The following DOCK9 variants were observed in gnomAD, a reference collection of about 807,000 sequenced individuals.
The protein encoded by DOCK9 is dedicator of cytokinesis 9, also known as dedicator of cytokinesis protein 9.
In DOCK9, 89 loss-of-function variants were observed where a neutral mutation model predicts 263.3. The ratio of observed to expected loss-of-function variants is 0.34; its 90% CI spans 0.28 to 0.40. DOCK9 has a LOEUF of 0.40. DOCK9 is among the 10% of genes least tolerant of loss of function. DOCK9 has a pLI of 1.00. For missense variants in DOCK9, 2,140 were observed against 2,603.4 expected (o/e 0.82, Z 3.87); for synonymous variants, 976 against 973.1 (o/e 1.00, Z -0.06).
intron 1 of DOCK9, among the ~76,000 whole-genome samples, chr13:99,002,851 A>T (rs565496743): frequency 6.6e-6 from 1 of 152,292 alleles, no homozygotes; most frequent in South Asian, 2.1e-4. Flanking sequence ...TTGCTGTGTG[A>T]TTTTAAACAG....
intron 1 of DOCK9, among the ~76,000 whole-genome samples, chr13:98,991,138 T>C (rs1657797351): frequency 6.6e-6 from 1 of 151,994 alleles, no homozygotes; most frequent in Admixed American, 6.5e-5. Context: ...GTGGCATGAT[T>C]TTGGCTCACC....
intron 2 of DOCK9, among the ~76,000 whole-genome samples, chr13:98,943,232 G>A (rs1180401973): frequency 6.6e-6 from 1 of 152,206 alleles, no homozygotes; most frequent in Non-Finnish European, 1.5e-5. Context: ...GATGGGGAAG[G>A]CACTGTGACT....
intron 32 of DOCK9, among the ~76,000 whole-genome samples, 176 bp downstream of exon 32, chr13:98,862,843 T>C (rs2093913441): frequency 6.6e-6 from 1 of 152,142 alleles, no homozygotes; most frequent in Non-Finnish European, 1.5e-5. Flanking sequence ...GAGAGGAGCA[T>C]GGCCCATGAG....
chr13:98,944,021 A>G (rs956164825), intron 2 of DOCK9, among the ~76,000 whole-genome samples: 1 of 152,212 alleles, frequency 6.6e-6, no homozygotes, highest in African/African-American at 2.4e-5. Context: ...TTGTCCTTCT[A>G]TGCCTCATTG....
chr13:98,901,541 CA>C (rs201206243), intron 13 of DOCK9, among the ~76,000 whole-genome samples: 4,995 of 152,300 alleles, frequency 0.033, 127 homozygotes, highest in Middle Eastern at 0.092. Context: ...AATTCCTTTG[CA>C]AATTATTTTA....
At chr13:98,915,726 A>G (rs1160307322) in intron 7 of DOCK9, among the ~76,000 whole-genome samples, 3 of 146,834 alleles carry the variant, frequency 2.0e-5, no homozygotes, top group Non-Finnish European at 1.5e-5. Flanking sequence ...CTGACTCATT[A>G]CCTGCTTTAC....
At chr13:98,941,363 T>TA (rs1567036768) in intron 2 of DOCK9, among the ~76,000 whole-genome samples, 1 of 152,216 alleles carries the variant, frequency 6.6e-6, no homozygotes, top group Non-Finnish European at 1.5e-5. Context: ...CGTGAGACTT[T>TA]AGACAGTTCC....
At chr13:99,087,251 G>A (rs554685686), upstream of DOCK9, among the ~76,000 whole-genome samples, 12 of 152,334 alleles carry the variant, frequency 7.9e-5, no homozygotes, top group Admixed American at 7.2e-4. Flanking sequence ...AGCTCGCGGC[G>A]GGACGATGAC....
chr13:98,929,780 A>G lies in DOCK9; in HGVS notation c.333+388T>C, dbSNP rs1566995948. On this transcript the variant is annotated intron_variant, in intron 3 of 52. Coordinates refer to ENST00000682017, the MANE Select transcript of DOCK9 (RefSeq NM_001366683.2). ...GCAAATATAAATGTATAAATGAAATAAATGATACATAAATGTGTGTGTCAC... is the reference window on the plus strand; with the variant it reads ...GCAAATATAAATGTATAAATGAAATGAATGATACATAAATGTGTGTGTCAC... Among the ~76,000 whole-genome samples, 3 of 152,228 alleles carry G rather than the reference A, an allele frequency of 2.0e-5. No individual in the cohort carries two copies. In the East Asian group the frequency reaches 5.8e-4, roughly 29 times the overall value.
intron 15 of DOCK9, among the ~76,000 whole-genome samples, chr13:98,893,223 AG>A (rs1272680398): frequency 6.6e-6 from 1 of 152,226 alleles, no homozygotes; most frequent in African/African-American, 2.4e-5. Flanking sequence ...CTGGATGCAA[AG>A]AAGATGAGTG....
In DOCK9 at chr13:98,794,552, G is replaced by A; in HGVS notation, c.*74C>T. On this transcript the variant is annotated 3_prime_UTR_variant, in exon 53 of 53. Coordinates refer to ENST00000682017, the MANE Select transcript of DOCK9 (RefSeq NM_001366683.2). ...GTCCTCCCTGTGCTCGGTCTCCCCA[G>A]TGATTGGCTTTGGAAAGCATCCTGA... The A allele has an allele frequency of 6.6e-7, 1 of 1,514,132 alleles. No homozygotes were observed. The highest frequency in any genetic ancestry group is 8.9e-7 in the Non-Finnish European group (1 of 1,121,080). 93.8% of individuals were successfully genotyped at this position (1,514,132 alleles called of 1,614,324 possible). A position where few individuals can be genotyped will look rare whatever the true frequency, so the allele number is the denominator to read the frequency against.
At chr13:98,862,962 G>A (rs1380054484) in intron 32 of DOCK9, 57 bp downstream of exon 32, 3 of 1,468,216 alleles carry the variant, frequency 2.0e-6, no homozygotes, top group Middle Eastern at 1.7e-4. Flanking sequence ...ATGGCGCTTT[G>A]TCCTGGCTTC....
In DOCK9 at chr13:98,802,190, G is replaced by A. The variant is rs186381560; in HGVS notation, c.5726-1712C>T. Among the ~76,000 whole-genome samples the A allele has an allele frequency of 9.7e-4, 148 of 152,318 alleles. 4 individuals are homozygous for A. Among genetic ancestry groups the A allele is most frequent in the Admixed American group, 9.5e-3 (146 of 15,308 alleles). On this transcript the variant is annotated intron_variant, in intron 49 of 52. Coordinates refer to ENST00000682017, the MANE Select transcript of DOCK9 (RefSeq NM_001366683.2). ...CTCCTTTTGCTTTGTCTGGAACACA[G>A]ATCACGTTCTACCACGGTTATATTT...
At chr13:98,893,306 C>T (rs2046908139) in intron 15 of DOCK9, among the ~76,000 whole-genome samples, 1 of 152,152 alleles carries the variant, frequency 6.6e-6, no homozygotes, top group Non-Finnish European at 1.5e-5. Context: ...AACTATCCAA[C>T]GTAGTACCAT....
intron 47 of DOCK9, among the ~76,000 whole-genome samples, 192 bp from the exon 48 acceptor site, chr13:98,807,999 A>G (rs1225204510): frequency 6.6e-6 from 1 of 152,262 alleles, no homozygotes; most frequent in African/African-American, 2.4e-5. Flanking sequence ...AAAACACAAC[A>G]TTGCAAACTT....
chr13:98,844,295 G>T (rs2093321550), intron 38 of DOCK9, among the ~76,000 whole-genome samples: 1 of 152,168 alleles, frequency 6.6e-6, no homozygotes. Context: ...ACTCCGTGTG[G>T]CAGACTGACA....
rs866581683 is a variant in DOCK9, at chr13:98,955,437, G to C, written c.241C>G (p.Gln81Glu). The C allele has an allele frequency of 6.3e-7, 1 of 1,576,272 alleles. No individual in the cohort carries two copies. Residue 81 changes from glutamine (Q) to glutamate (E), a missense_variant and splice_region_variant, in exon 2 of 53, where the codon CAG (glutamine) becomes GAG (glutamate). Physicochemically the swap from Gln to Glu is conservative, Grantham distance 29. Around this residue, in one of 2 missense-constraint regions of DOCK9, gnomAD observed 1,521 missense variants for 1,741.7 expected, o/e 0.87. Transcript: ENST00000682017. ...EMLLFPYDDFQTAILRRQGRY... is the reference protein window; with the variant it reads ...EMLLFPYDDFETAILRRQGRY... Reference sequence around the variant, plus strand: ...GATAGAAACATAACGTTACTTACCTGAAAGTCATCGTAAGGGAAGAGCAGC... The same window carrying C: ...GATAGAAACATAACGTTACTTACCTCAAAGTCATCGTAAGGGAAGAGCAGC...
intron 1 of DOCK9, among the ~76,000 whole-genome samples, chr13:99,047,928 C>T (rs1056990269): frequency 2.0e-5 from 3 of 152,096 alleles, no homozygotes; most frequent in Non-Finnish European, 2.9e-5. Context: ...TTTTACAACT[C>T]AATTCCTGCC....
intron 2 of DOCK9, among the ~76,000 whole-genome samples, chr13:98,933,385 A>AAG (rs2054268449): frequency 6.6e-6 from 1 of 152,174 alleles, no homozygotes; most frequent in African/African-American, 2.4e-5. Flanking sequence ...AAAAAAAAAA[A>AAG]GTAACTTTAA....
Sources: allele counts gnomAD v4.1 joint callset (sites outside exome capture counted in the v4.1 genomes callset), GRCh38; gene constraint gnomAD v4.1.1; regional missense constraint gnomAD v4.1.1; transcripts MANE v1.5; gene names NCBI Gene and HGNC (gene_info 2026-07-23, HGNC 2026-07-21).